The following ARID1B variants were observed in gnomAD, a reference collection of about 807,000 sequenced individuals.
The protein encoded by ARID1B is AT-rich interaction domain 1B.
In ARID1B, 30 loss-of-function variants were observed where a neutral mutation model predicts 212.3. That is an observed-to-expected ratio of 0.14 (90% confidence interval 0.11 to 0.19). The LOEUF (loss-of-function observed/expected upper bound fraction) is 0.19, where lower values mean the gene tolerates loss of function less well. Among genes scored for constraint, ARID1B ranks in the 10% least tolerant of loss-of-function variants. ARID1B has a pLI of 1.00. For synonymous variants in ARID1B, 1,402 were observed against 1,301.7 expected, an observed-to-expected ratio of 1.08 and a Z score of -1.66; for missense variants, 2,891 against 3,204.0, an observed-to-expected ratio of 0.90 and a Z score of 2.36.
At chr6:156,929,209 C>A (rs752241429) in intron 3 of ARID1B, among the ~76,000 whole-genome samples, 2 of 152,168 alleles carry the variant, frequency 1.3e-5, no homozygotes, top group African/African-American at 4.8e-5. Flanking sequence ...TCCCCTCTTG[C>A]GAATATGAGC....
At chr6:156,825,214 C>T (rs1388894484) in intron 1 of ARID1B, among the ~76,000 whole-genome samples, 1 of 152,048 alleles carries the variant, frequency 6.6e-6, no homozygotes, top group Admixed American at 6.6e-5. Context: ...GAGTTGAGAC[C>T]CTCAGTTGTA....
intron 12 of ARID1B, among the ~76,000 whole-genome samples, chr6:157,181,820 T>C (rs1027970972): frequency 7.2e-5 from 11 of 152,182 alleles, no homozygotes; most frequent in Non-Finnish European, 1.5e-4. Context: ...CCTCGCTCCT[T>C]AATCAGGAGT....
intron 1 of ARID1B, among the ~76,000 whole-genome samples, chr6:156,826,137 C>G (rs574362620): frequency 1.3e-5 from 2 of 152,012 alleles, no homozygotes; most frequent in Non-Finnish European, 2.9e-5. Context: ...AATTGTATCA[C>G]ATGGTGAATT....
chr6:156,895,739 C>T (rs1582895145), intron 2 of ARID1B, among the ~76,000 whole-genome samples: 1 of 135,374 alleles, frequency 7.4e-6, no homozygotes, highest in African/African-American at 2.6e-5. Context: ...GGTGTATACA[C>T]ACACACACAC....
chr6:156,838,329 GT>G (rs1236917395), intron 2 of ARID1B, among the ~76,000 whole-genome samples: 1 of 152,122 alleles, frequency 6.6e-6, no homozygotes, highest in Non-Finnish European at 1.5e-5. Context: ...AGGTAATTAA[GT>G]TTTACTTAAT....
At chr6:156,886,099 A>G (rs158257) in intron 2 of ARID1B, among the ~76,000 whole-genome samples, 90,974 of 152,038 alleles carry the variant, frequency 0.6, 27,506 homozygotes, top group African/African-American at 0.65. Context: ...CTTGAAATCC[A>G]AGACACTTCT....
intron 1 of ARID1B, among the ~76,000 whole-genome samples, chr6:156,791,470 GTGAGC>G (rs1780002291): frequency 6.6e-6 from 1 of 152,194 alleles, no homozygotes; most frequent in African/African-American, 2.4e-5. Context: ...AACCCCTTAC[GTGAGC>G]TGTTCCATTC....
At position 157,207,571 on chromosome 6, in the gene ARID1B, C is replaced by T; in HGVS notation, c.6799C>T (p.Leu2267=). 6.2e-7 allele frequency: 1 copy of T among 1,614,192 alleles called. No individual in the cohort carries two copies. The highest frequency in any genetic ancestry group is 8.5e-7 in the Non-Finnish European group (1 of 1,180,044). Residue 2267 remains leucine (L), a synonymous_variant, in exon 20 of 20, where the codon CTA becomes TTA. Transcript: ENST00000636930. The surrounding 1 kb of genome is among the most constrained non-coding windows in gnomAD (Gnocchi z 8.5). The part of the protein sequence containing the change: ...LLSNLAQGDA[L]AARAIAVQKG... ...ATCGAACCTTGCCCAAGGGGACGCA[C>T]TAGCAGCAAGGGCCATAGCTGTGCA...
rs568181388 is a variant in ARID1B at position 157,155,493 on chromosome 6, G to A, written c.3089+6542G>A. Among the ~76,000 whole-genome samples the A allele has an allele frequency of 1.1e-3, 170 of 150,946 alleles. 2 individuals are homozygous for A. Among genetic ancestry groups the A allele is most frequent in the South Asian group, 6.3e-3 (30 of 4,750 alleles). ...CTTCTTAATTTCAAAAAAAAAAAAA[G>A]GGTAAAATGAATTAATTTGAAAAGT... is the stretch of plus-strand genomic sequence containing the variant. On this transcript the variant is annotated intron_variant, in intron 8 of 19. Transcript: ENST00000636930.
chr6:157,074,831 T>G (rs1223752639), intron 4 of ARID1B, among the ~76,000 whole-genome samples: 1 of 152,164 alleles, frequency 6.6e-6, no homozygotes, highest in East Asian at 1.9e-4. Context: ...TAATTATTTA[T>G]AAAGGTGAGG....
At chr6:156,895,077 G>A (rs1447873821) in intron 2 of ARID1B, among the ~76,000 whole-genome samples, 1 of 152,160 alleles carries the variant, frequency 6.6e-6, no homozygotes, top group Non-Finnish European at 1.5e-5. Flanking sequence ...ATGTAAAGGT[G>A]GACAAGTTTC....
At chr6:156,952,853 G>A (rs1793687576) in intron 4 of ARID1B, among the ~76,000 whole-genome samples, 1 of 152,202 alleles carries the variant, frequency 6.6e-6, no homozygotes, top group African/African-American at 2.4e-5. Flanking sequence ...TGCTGGCCAG[G>A]CTAGTCATTT....
chr6:156,941,465 C>G (rs1792670650), intron 4 of ARID1B: 3 of 152,296 alleles, frequency 2.0e-5, no homozygotes, highest in African/African-American at 7.2e-5. Flanking sequence ...TCTGTTCTAT[C>G]TGGAGATATC....
chr6:156,792,790 C>T (rs1417552409), intron 1 of ARID1B, among the ~76,000 whole-genome samples: 1 of 152,166 alleles, frequency 6.6e-6, no homozygotes, highest in East Asian at 1.9e-4. Context: ...GCATCCGTTA[C>T]AGGCGCTGTG....
intron 5 of ARID1B, chr6:157,107,678 T>C (rs1786594711): frequency 6.6e-6 from 1 of 152,206 alleles, no homozygotes; most frequent in Non-Finnish European, 1.5e-5. Context: ...GCTTACATCA[T>C]AATAGACATT....
chr6:156,997,648 C>T (rs1289283431), intron 4 of ARID1B, among the ~76,000 whole-genome samples: 1 of 148,216 alleles, frequency 6.7e-6, no homozygotes, highest in Non-Finnish European at 1.5e-5. Flanking sequence ...TAAACACTTG[C>T]ATTTTAACTT....
chr6:157,210,504 C>T lies in ARID1B; in HGVS notation c.*2613C>T, dbSNP rs1386627889. 4.3e-6 allele frequency: 1 copy of T among 232,372 alleles called. No homozygotes were observed. The highest frequency in any genetic ancestry group is 2.2e-5 in the African/African-American group (1 of 45,308). 14.4% of individuals were successfully genotyped at this position (232,372 alleles called of 1,614,324 possible). ...TGATGCGCAACACAGTCTCTAGAGACTAATCCAGGAAGACTTTAGCCTCCT... is the reference window on the plus strand; with the variant it reads ...TGATGCGCAACACAGTCTCTAGAGATTAATCCAGGAAGACTTTAGCCTCCT... On this transcript the variant is annotated 3_prime_UTR_variant, in exon 20 of 20. Coordinates refer to ENST00000636930, the MANE Select transcript of ARID1B (RefSeq NM_001374828.1).
At chr6:156,917,765 C>T (rs1194374146) in intron 3 of ARID1B, among the ~76,000 whole-genome samples, 2 of 152,130 alleles carry the variant, frequency 1.3e-5, no homozygotes, top group Admixed American at 1.3e-4. Context: ...TGTTCAATAT[C>T]ATTTAAAACA....
intron 5 of ARID1B, among the ~76,000 whole-genome samples, chr6:157,104,941 A>G (rs1230698267): frequency 1.3e-4 from 20 of 152,248 alleles, no homozygotes; most frequent in Admixed American, 1.3e-3. Context: ...GAGGAGCACT[A>G]TTCTTACTGG....
Sources: allele counts gnomAD v4.1 joint callset (sites outside exome capture counted in the v4.1 genomes callset), GRCh38; gene constraint gnomAD v4.1.1; non-coding constraint Gnocchi (gnomAD v3.1); transcripts MANE v1.5; gene names NCBI Gene and HGNC (gene_info 2026-07-23, HGNC 2026-07-21).